Variants in SLC4A4 observed in about 807,000 individuals in gnomAD.
SLC4A4 encodes the protein solute carrier family 4 member 4.
In SLC4A4, 27 loss-of-function variants were observed where a neutral mutation model predicts 111.5. The observed-to-expected ratio is 0.24, with a 90% CI of 0.18 to 0.33. The LOEUF is 0.33. SLC4A4 is among the 10% of genes least tolerant of loss of function. SLC4A4 has a pLI of 1.00. For synonymous variants in SLC4A4, 443 were observed against 463.4 expected, an observed-to-expected ratio of 0.96 and a Z score of 0.57; for missense variants, 909 against 1,315.5, an observed-to-expected ratio of 0.69 and a Z score of 4.78.
chr4:71,566,633 C>CA lies in SLC4A4; in HGVS notation c.3197-360dup, dbSNP rs796699934. Reference sequence around the variant, plus strand: ...AGTGTTGCAGTATGAGTAAGTGCCTCAAAAAAAAAAATCTTTTTTTCCTTA... The same window carrying CA: ...AGTGTTGCAGTATGAGTAAGTGCCTCAAAAAAAAAAAATCTTTTTTTCCTTA... On this transcript the variant is annotated intron_variant, in intron 24 of 25. Transcript: ENST00000264485. Among the ~76,000 whole-genome samples, 658 of 145,124 alleles carry CA rather than the reference C, an allele frequency of 4.5e-3. 5 individuals are homozygous for CA. Among genetic ancestry groups the CA allele is most frequent in the Admixed American group, 0.016 (227 of 14,580 alleles).
intron 2 of SLC4A4, among the ~76,000 whole-genome samples, chr4:71,151,863 C>A (rs1196356641): frequency 6.6e-6 from 1 of 151,778 alleles, no homozygotes; most frequent in Non-Finnish European, 1.5e-5. Context: ...GAGATTGAGA[C>A]CAGCCTGGCC....
At chr4:71,300,277 G>C (rs1434858360) in intron 3 of SLC4A4, 1 of 211,846 alleles carries the variant, frequency 4.7e-6, no homozygotes, top group Non-Finnish European at 1.0e-5. Context: ...CCATAGCACG[G>C]GCACACGGCC....
At chr4:71,510,901 T>C (rs990242926) in intron 16 of SLC4A4, among the ~76,000 whole-genome samples, 4 of 152,134 alleles carry the variant, frequency 2.6e-5, no homozygotes, top group Non-Finnish European at 4.4e-5. Context: ...TGCTTTGTGG[T>C]TACCATGAGG....
intron 1 of SLC4A4, among the ~76,000 whole-genome samples, chr4:71,211,837 A>G (rs59901964): frequency 0.035 from 5,233 of 150,200 alleles, 243 homozygotes; most frequent in African/African-American, 0.1. Flanking sequence ...TCAAAGCCAC[A>G]TGGTGATGAC....
At chr4:71,506,796 G>C (rs1031091077) in intron 16 of SLC4A4, among the ~76,000 whole-genome samples, 2 of 151,990 alleles carry the variant, frequency 1.3e-5, no homozygotes, top group Non-Finnish European at 2.9e-5. Flanking sequence ...ATAATCATCA[G>C]ATTCTCCAAG....
chr4:71,528,895 G>C (rs1232978042), intron 16 of SLC4A4, among the ~76,000 whole-genome samples: 1 of 151,748 alleles, frequency 6.6e-6, no homozygotes, highest in Non-Finnish European at 1.5e-5. Flanking sequence ...GGATATATTT[G>C]CAAGTGTTAA....
At chr4:71,069,327 G>T (rs1741609152) in intron 1 of SLC4A4, among the ~76,000 whole-genome samples, 1 of 152,054 alleles carries the variant, frequency 6.6e-6, no homozygotes, top group South Asian at 2.1e-4. Flanking sequence ...GAGGCCAAAG[G>T]TACATTCTCA....
At chr4:71,140,409 AG>A (rs1401964243) in intron 2 of SLC4A4, among the ~76,000 whole-genome samples, 1 of 152,142 alleles carries the variant, frequency 6.6e-6, no homozygotes, top group Non-Finnish European at 1.5e-5. Flanking sequence ...CGACAAAATG[AG>A]ACCCTGTTGC....
chr4:71,323,466 C>A (rs534422390), intron 3 of SLC4A4, among the ~76,000 whole-genome samples: 124 of 151,992 alleles, frequency 8.2e-4, no homozygotes, highest in African/African-American at 2.9e-3. Flanking sequence ...GTAATTTGAT[C>A]TGAACAAAAG....
intron 14 of SLC4A4, among the ~76,000 whole-genome samples, chr4:71,484,551 T>C (rs1729192973): frequency 6.6e-6 from 1 of 151,886 alleles, no homozygotes; most frequent in South Asian, 2.1e-4. Context: ...ACCAGTACCA[T>C]TCTGTTTTTG....
intron 3 of SLC4A4, 53 bp downstream of exon 3, chr4:71,255,452 G>C: frequency 1.3e-6 from 2 of 1,563,516 alleles, no homozygotes; most frequent in Non-Finnish European, 1.8e-6. Flanking sequence ...CCACATCTTT[G>C]AGAAGGACAC....
chr4:71,376,156 TACACACACAC>T lies in SLC4A4; in HGVS notation c.730+18997_730+19006del, dbSNP rs146405766. On this transcript the variant is annotated intron_variant, in intron 6 of 25. Transcript: ENST00000264485. ...ACATACACATATATACCTGTATATA[TACACACACAC>T]ACACACACACACACACACACACACA... Among the ~76,000 whole-genome samples the T allele has an allele frequency of 2.2e-3, 295 of 135,550 alleles. 2 individuals carry two copies. Among genetic ancestry groups the T allele is most frequent in the African/African-American group, 7.0e-3 (255 of 36,244 alleles). 88.9% of individuals were successfully genotyped at this position (135,550 alleles called of 152,430 possible). A position where few individuals can be genotyped will look rare whatever the true frequency, so the allele number is the denominator to read the frequency against.
chr4:71,235,927 G>A, intron 1 of SLC4A4: 1 of 430,026 alleles, frequency 2.3e-6, no homozygotes, highest in Non-Finnish European at 3.1e-6. Flanking sequence ...TGTGTGTATT[G>A]TCGAAGCCGG....
At chr4:71,444,569 A>G (rs1725055053) in intron 8 of SLC4A4, among the ~76,000 whole-genome samples, 1 of 152,230 alleles carries the variant, frequency 6.6e-6, no homozygotes, top group Non-Finnish European at 1.5e-5. Context: ...GATAAAAATA[A>G]CATCTGTCCA....
intron 1 of SLC4A4, among the ~76,000 whole-genome samples, chr4:71,085,886 G>T (rs1344009577): frequency 2.0e-5 from 3 of 151,950 alleles, no homozygotes; most frequent in Non-Finnish European, 4.4e-5. Flanking sequence ...TGGCAATGTG[G>T]GCTCTTTTTT....
At chr4:71,371,864 C>T (rs1380785084) in intron 6 of SLC4A4, among the ~76,000 whole-genome samples, 1 of 152,116 alleles carries the variant, frequency 6.6e-6, no homozygotes, top group African/African-American at 2.4e-5. Context: ...CATTTGTTGA[C>T]CCTTGATACT....
intron 6 of SLC4A4, among the ~76,000 whole-genome samples, chr4:71,366,374 A>C (rs1251569711): frequency 8.0e-6 from 1 of 125,466 alleles, no homozygotes; most frequent in Admixed American, 8.5e-5. Context: ...TGCTTGATTC[A>C]AAAAGAGACA....
intron 1 of SLC4A4, among the ~76,000 whole-genome samples, chr4:71,071,638 A>G (rs1741666569): frequency 6.6e-6 from 1 of 152,236 alleles, no homozygotes; most frequent in South Asian, 2.1e-4. Flanking sequence ...ATGTTTGAGC[A>G]TGTGTGTTTG....
intron 21 of SLC4A4, among the ~76,000 whole-genome samples, chr4:71,556,507 T>A (rs1379875481): frequency 6.6e-6 from 1 of 151,958 alleles, no homozygotes; most frequent in African/African-American, 2.4e-5. Flanking sequence ...TCAGTGCATG[T>A]TTATTTAATT....
Sources: allele counts gnomAD v4.1 joint callset (sites outside exome capture counted in the v4.1 genomes callset), GRCh38; gene constraint gnomAD v4.1.1; transcripts MANE v1.5; gene names NCBI Gene and HGNC (gene_info 2026-07-23, HGNC 2026-07-21).